Variants in UTRN observed in about 807,000 individuals in gnomAD.
UTRN encodes utrophin, also known as dystrophin-related protein 1.
A neutral mutation model predicts 463.9 loss-of-function variants in UTRN; 283 were observed. The ratio of observed to expected loss-of-function variants is 0.61; its 90% CI spans 0.55 to 0.67. The LOEUF (loss-of-function observed/expected upper bound fraction) is 0.67. Among genes scored for constraint, UTRN ranks in the 30% least tolerant of loss-of-function variants. The pLI is 0.00. For synonymous variants in UTRN, 1,442 were observed against 1,431.5 expected (o/e 1.01, Z -0.17); for missense variants, 3,922 against 4,084.3 (o/e 0.96, Z 1.08).
rs190792092 is a variant in UTRN at position 144,391,093 on chromosome 6, A to G, written c.80-12030A>G. 3.0e-3 allele frequency among the ~76,000 whole-genome samples: 457 copies of G among 151,622 alleles called. 2 individuals are homozygous for G. Among genetic ancestry groups the G allele is most frequent in the African/African-American group, 0.011 (446 of 41,378 alleles). ...TTCCCAGTTCTTTTTTTTTTTTGAC[A>G]CAAGGTCTTGCTCAGTCACCTAGGC... On this transcript the variant is annotated intron_variant, in intron 2 of 74. Coordinates refer to ENST00000367545, the MANE Select transcript of UTRN (RefSeq NM_007124.3).
At position 144,650,001 on chromosome 6, in the gene UTRN, T is replaced by A. The variant is rs985021128; in HGVS notation, c.7480-28405T>A. ...GACAGACATACCTAAGACTGGGTAA[T>A]TTATTTAAAAAAAAGAGGTTTAATG... On this transcript the variant is annotated intron_variant, in intron 51 of 74. Transcript: ENST00000367545. Among the ~76,000 whole-genome samples, 124 of 151,730 alleles carry A rather than the reference T, an allele frequency of 8.2e-4. 1 individual carries two copies. The highest frequency in any genetic ancestry group is 4.6e-4 in the Non-Finnish European group (31 of 68,010).
intron 66 of UTRN, among the ~76,000 whole-genome samples, chr6:144,824,406 TTATATA>T (rs1229918236): frequency 7.1e-6 from 1 of 140,838 alleles, no homozygotes; most frequent in Non-Finnish European, 1.5e-5. Context: ...TATAAAACCA[TTATATA>T]TATATATACA....
At chr6:144,387,114 A>C (rs1781488450) in intron 2 of UTRN, among the ~76,000 whole-genome samples, 1 of 151,934 alleles carries the variant, frequency 6.6e-6, no homozygotes, top group South Asian at 2.1e-4. Flanking sequence ...GTTTTGCCTT[A>C]ATCTTCTATT....
At position 144,836,403 on chromosome 6, in the gene UTRN, T is replaced by C. The variant is rs151210142; in HGVS notation, c.9927T>C (p.Ser3309=). Residue 3309 remains serine (S), a synonymous_variant, in exon 71 of 75, where the codon TCT becomes TCC. Coordinates refer to ENST00000367545, the MANE Select transcript of UTRN (RefSeq NM_007124.3). The part of the protein sequence containing the change: ...PESIISPHHT[S]EDSELIAEAK... ...CGATTATATCTCCCCATCACACGTCTGAGGATTCAGAACTTATAGCAGAAG... is the reference window on the plus strand; with the variant it reads ...CGATTATATCTCCCCATCACACGTCCGAGGATTCAGAACTTATAGCAGAAG... 1 of 1,602,700 alleles carries C rather than the reference T, an allele frequency of 6.2e-7. No individual in the cohort carries two copies. Among genetic ancestry groups the C allele is most frequent in the Non-Finnish European group, 8.5e-7 (1 of 1,172,928 alleles).
intron 51 of UTRN, among the ~76,000 whole-genome samples, chr6:144,645,029 C>T (rs1778148245): frequency 6.6e-6 from 1 of 152,142 alleles, no homozygotes; most frequent in Non-Finnish European, 1.5e-5. Context: ...CTTTCAAAAG[C>T]TTCCCCTTGC....
Position 144,461,277 on chromosome 6 carries a change from G to A in UTRN, c.2788G>A (p.Ala930Thr), listed in dbSNP as rs1352275450. The A allele has an allele frequency of 6.2e-7, 1 of 1,607,742 alleles. No individual in the cohort carries two copies. Among genetic ancestry groups the A allele is most frequent in the South Asian group, 1.1e-5 (1 of 89,960 alleles). ...TGTGCTAAATGATTCAGAAAATAAG[G>A]CCCAGGTGTCTCTGAATGTCCTTAA... ...KDVLNDSENK[A>T]QVSLNVLNDL... Residue 930 changes from alanine to threonine, a missense_variant, in exon 22 of 75, where the codon GCC (alanine) becomes ACC (threonine). Ala to Thr is a moderately conservative substitution (Grantham distance 58). Coordinates refer to ENST00000367545, the MANE Select transcript of UTRN (RefSeq NM_007124.3).
At position 144,531,105 on chromosome 6, in the gene UTRN, A is replaced by T; in HGVS notation, c.5960A>T (p.Asp1987Val). 6.2e-7 allele frequency: 1 copy of T among 1,614,012 alleles called. No homozygotes were observed. The highest frequency in any genetic ancestry group is 1.1e-5 in the South Asian group (1 of 91,074). The change falls in exon 42 of 75, where the codon GAC (aspartate) becomes GTC (valine). Residue 1987 changes from aspartate to valine, a missense_variant. Around this residue, in one of 3 missense-constraint regions of UTRN, gnomAD observed 2,349 missense variants for 2,303.8 expected, o/e 1.02. Transcript: ENST00000367545. ...AGACAGTTCCATTGTGACCTTAATG[A>T]CCTCACACAGTGGATAACAGAGGCT... Reference protein sequence around the residue: ...EWRQFHCDLNDLTQWITEAEE... With the variant: ...EWRQFHCDLNVLTQWITEAEE...
chr6:144,538,196 AAC>A (rs1797697601), intron 44 of UTRN, among the ~76,000 whole-genome samples: 1 of 152,178 alleles, frequency 6.6e-6, no homozygotes, highest in Non-Finnish European at 1.5e-5. Flanking sequence ...GTTTGCAACT[AAC>A]AAGTATTGTT....
intron 54 of UTRN, among the ~76,000 whole-genome samples, chr6:144,747,778 A>G (rs1790924888): frequency 6.6e-6 from 1 of 152,144 alleles, no homozygotes; most frequent in Non-Finnish European, 1.5e-5. Flanking sequence ...TTCAGTATTT[A>G]TTTTTAGGAA....
Position 144,734,623 on chromosome 6 carries a change from T to C in UTRN, c.7939+4137T>C, listed in dbSNP as rs1331336532. ...CCAAATCCATTCTGTCAGCAAGTCCTGTCATCACTACATTCAAAAGGTACC... is the reference window on the plus strand; with the variant it reads ...CCAAATCCATTCTGTCAGCAAGTCCCGTCATCACTACATTCAAAAGGTACC... On this transcript the variant is annotated intron_variant, in intron 54 of 74. Transcript: ENST00000367545. Among the ~76,000 whole-genome samples, 4 of 152,308 alleles carry C rather than the reference T, an allele frequency of 2.6e-5. No individual in the cohort carries two copies. The East Asian group carries it at 7.7e-4, about 29-fold the overall frequency.
At position 144,438,718 on chromosome 6, in the gene UTRN, G is replaced by A. The variant is rs749953703; in HGVS notation, c.1242-27G>A. On this transcript the variant is annotated intron_variant, in intron 11 of 74. Coordinates refer to ENST00000367545, the MANE Select transcript of UTRN (RefSeq NM_007124.3). ...CTTTGCAAAGGGAAAAGGCTTGTAG[G>A]AATAATGCTGTGTTCCCCACGGACA... 3 of 1,613,340 alleles carry A rather than the reference G, an allele frequency of 1.9e-6. No individual in the cohort carries two copies. In the South Asian group the frequency reaches 3.3e-5, roughly 18 times the overall value.
At chr6:144,656,248 GTC>G (rs1288965272) in intron 51 of UTRN, among the ~76,000 whole-genome samples, 1 of 152,086 alleles carries the variant, frequency 6.6e-6, no homozygotes, top group East Asian at 1.9e-4. Context: ...AATTTATTAA[GTC>G]TCTCTGGTGA....
intron 2 of UTRN, chr6:144,398,618 A>G (rs1782662869): frequency 5.9e-6 from 1 of 170,738 alleles, no homozygotes; most frequent in African/African-American, 2.4e-5. Flanking sequence ...ACGGAGAGAA[A>G]AAGAACAGCT....
At chr6:144,575,458 G>T (rs1801346546) in intron 50 of UTRN, among the ~76,000 whole-genome samples, 1 of 152,134 alleles carries the variant, frequency 6.6e-6, no homozygotes, top group South Asian at 2.1e-4. Flanking sequence ...TAGATATGCT[G>T]ATTTTTACTG....
intron 51 of UTRN, among the ~76,000 whole-genome samples, chr6:144,594,362 T>C (rs895926604): frequency 3.9e-5 from 6 of 152,190 alleles, no homozygotes; most frequent in Non-Finnish European, 7.3e-5. Context: ...CTACATCTTA[T>C]GTGCATTTAT....
intron 2 of UTRN, among the ~76,000 whole-genome samples, chr6:144,335,718 C>T (rs1470257922): frequency 5.3e-5 from 8 of 152,162 alleles, no homozygotes; most frequent in Admixed American, 4.6e-4. Context: ...TCTCGTGGCT[C>T]ATAAATAAAC....
rs1782478835 is a variant in UTRN, at chr6:144,851,473, GTTAT to G, written c.*481_*484del. 1 of 155,848 alleles carries G rather than the reference GTTAT, an allele frequency of 6.4e-6. No individual in the cohort carries two copies. The highest frequency in any genetic ancestry group is 1.4e-5 in the Non-Finnish European group (1 of 70,224). 9.7% of individuals were successfully genotyped at this position (155,848 alleles called of 1,614,324 possible). A position where few individuals can be genotyped will look rare whatever the true frequency, so the allele number is the denominator to read the frequency against. On this transcript the variant is annotated 3_prime_UTR_variant, in exon 75 of 75. Transcript: ENST00000367545. ...TTGACTCTTTTACCACAATGTTTTG[GTTAT>G]TTATAATTTATCAGCCATATGTTTA...
intron 2 of UTRN, among the ~76,000 whole-genome samples, chr6:144,321,382 A>G (rs1775628830): frequency 6.6e-6 from 1 of 151,776 alleles, no homozygotes; most frequent in South Asian, 2.1e-4. Flanking sequence ...AAGCCAAGGC[A>G]GAGAGTGGGT....
chr6:144,709,850 A>T (rs1337037512), intron 53 of UTRN, among the ~76,000 whole-genome samples: 2 of 152,186 alleles, frequency 1.3e-5, no homozygotes, highest in African/African-American at 2.4e-5. Flanking sequence ...TCTGATTCCG[A>T]ACTATCTTTA....
Sources: gnomAD v4.1 joint callset for allele counts (sites outside exome capture counted in the v4.1 genomes callset) on GRCh38, gnomAD v4.1.1 for gene constraint, gnomAD v4.1.1 regional missense constraint, MANE v1.5 for transcripts, NCBI Gene and HGNC (gene_info 2026-07-23, HGNC 2026-07-21) for gene names.